ERC2: variants seen among roughly 807,000 people sequenced by gnomAD.
ERC2 encodes the protein ELKS/RAB6-interacting/CAST family member 2.
ERC2 carries 42 observed loss-of-function variants against 114.8 expected under a neutral mutation model. That is an observed-to-expected ratio of 0.37 (90% CI 0.29 to 0.47). The LOEUF is 0.47. Ranked by LOEUF, ERC2 falls within the 20% of genes least tolerant of loss-of-function variation. The probability of loss-of-function intolerance (pLI) is 0.99; values close to 1 mark genes in which losing one functional copy is unlikely to be tolerated. For synonymous variants in ERC2, 454 were observed against 425.5 expected (o/e 1.07, Z -0.82); for missense variants, 939 against 1,150.7 (o/e 0.82, Z 2.66).
At chr3:56,286,018 A>T (rs2054675290) in intron 3 of ERC2, among the ~76,000 whole-genome samples, 1 of 152,182 alleles carries the variant, frequency 6.6e-6, no homozygotes. Flanking sequence ...GTTCCTTCCC[A>T]AAACACACCA....
At chr3:55,928,995 T>C (rs997641964) in intron 13 of ERC2, among the ~76,000 whole-genome samples, 7 of 152,176 alleles carry the variant, frequency 4.6e-5, no homozygotes, top group Admixed American at 4.6e-4. Flanking sequence ...AGAACCATAC[T>C]GTTTTGGTTA....
intron 2 of ERC2, among the ~76,000 whole-genome samples, chr3:56,413,900 G>T (rs1180351866): frequency 6.6e-6 from 1 of 152,148 alleles, no homozygotes; most frequent in Admixed American, 6.5e-5. Context: ...GCACACATGT[G>T]CACCCATAGA....
intron 7 of ERC2, among the ~76,000 whole-genome samples, chr3:56,057,250 GT>G (rs2076056607): frequency 6.6e-6 from 1 of 152,010 alleles, no homozygotes; most frequent in Admixed American, 6.5e-5. Context: ...CATTCATATT[GT>G]TTGCTGTGCA....
At chr3:55,912,097 A>G (rs1044994734) in intron 13 of ERC2, among the ~76,000 whole-genome samples, 1 of 152,164 alleles carries the variant, frequency 6.6e-6, no homozygotes, top group Non-Finnish European at 1.5e-5. Context: ...GGTGGTAGGG[A>G]TTGATCAGAC....
At chr3:56,365,575 A>G (rs2059119010) in intron 2 of ERC2, among the ~76,000 whole-genome samples, 1 of 152,266 alleles carries the variant, frequency 6.6e-6, no homozygotes, top group African/African-American at 2.4e-5. Context: ...CAAAGGGCCA[A>G]ATCCAACCCA....
intron 17 of ERC2, among the ~76,000 whole-genome samples, chr3:55,558,210 C>G (rs2055753996): frequency 6.6e-6 from 1 of 152,202 alleles, no homozygotes; most frequent in Non-Finnish European, 1.5e-5. Context: ...TGCCAATTGA[C>G]TAAATGCCCT....
At chr3:55,922,115 T>A (rs2065464892) in intron 13 of ERC2, among the ~76,000 whole-genome samples, 1 of 152,176 alleles carries the variant, frequency 6.6e-6, no homozygotes, top group Non-Finnish European at 1.5e-5. Context: ...CTAGCAACTG[T>A]CTCAGAATAC....
chr3:55,566,360 G>A (rs1305176855), intron 17 of ERC2, among the ~76,000 whole-genome samples: 1 of 152,194 alleles, frequency 6.6e-6, no homozygotes, highest in Non-Finnish European at 1.5e-5. Context: ...CAGGCCTGGT[G>A]CAAAGTAATT....
In ERC2 at chr3:56,364,851, G is replaced by A. The variant is rs146860729; in HGVS notation, c.658-68416C>T. Reference sequence around the variant, plus strand: ...CTCAGTACTGCCTGCATTCTTCTTCGCTGGGTGAGCCTCTGGCCACATGAA... The same window carrying A: ...CTCAGTACTGCCTGCATTCTTCTTCACTGGGTGAGCCTCTGGCCACATGAA... On this transcript the variant is annotated intron_variant, in intron 2 of 17. Coordinates refer to ENST00000288221, the MANE Select transcript of ERC2 (RefSeq NM_015576.3). Among the ~76,000 whole-genome samples the A allele has an allele frequency of 3.0e-4, 45 of 152,232 alleles. No individual in the cohort carries two copies. The East Asian group carries it at 7.9e-3, about 27-fold the overall frequency.
chr3:56,208,548 T>C (rs1369857897), intron 3 of ERC2, among the ~76,000 whole-genome samples: 1 of 152,178 alleles, frequency 6.6e-6, no homozygotes, highest in East Asian at 1.9e-4. Context: ...AAGGCCAAGA[T>C]ATTATAAATC....
At chr3:56,131,023 A>G (rs534329203) in intron 6 of ERC2, among the ~76,000 whole-genome samples, 13 of 152,296 alleles carry the variant, frequency 8.5e-5, no homozygotes, top group African/African-American at 3.1e-4. Context: ...GTTGTTTGGC[A>G]CTACCATCAT....
rs530571745 is a variant in ERC2, at chr3:55,816,203, A to AGCGTGAC, written c.2564+72185_2564+72186insGTCACGC. ...GTGAATCCCAAATGGGGGAATTTTA[A>AGCGTGAC]GCGTGTATCGGATGGGAGAGGCTTT... On this transcript the variant is annotated intron_variant, in intron 14 of 17. Coordinates refer to ENST00000288221, the MANE Select transcript of ERC2 (RefSeq NM_015576.3). 5.6e-3 allele frequency among the ~76,000 whole-genome samples: 855 copies of AGCGTGAC among 152,332 alleles called. 4 individuals carry two copies. Among genetic ancestry groups the AGCGTGAC allele is most frequent in the African/African-American group, 0.02 (821 of 41,566 alleles).
intron 17 of ERC2, among the ~76,000 whole-genome samples, chr3:55,522,800 G>A (rs1199967601): frequency 1.3e-5 from 2 of 152,204 alleles, no homozygotes; most frequent in Admixed American, 6.5e-5. Context: ...TGGGAGAGCT[G>A]TAACAATGGG....
At chr3:56,205,518 C>T (rs1254592052) in intron 3 of ERC2, among the ~76,000 whole-genome samples, 1 of 152,156 alleles carries the variant, frequency 6.6e-6, no homozygotes, top group Non-Finnish European at 1.5e-5. Context: ...CCTAACAACC[C>T]ACATCATTAG....
chr3:55,726,491 C>T (rs1384130976), intron 15 of ERC2, among the ~76,000 whole-genome samples: 1 of 152,238 alleles, frequency 6.6e-6, no homozygotes, highest in Non-Finnish European at 1.5e-5. Flanking sequence ...CTGGACAGGA[C>T]GGGTCTACCT....
chr3:55,759,341 C>T (rs2067260222), intron 14 of ERC2, among the ~76,000 whole-genome samples: 1 of 151,906 alleles, frequency 6.6e-6, no homozygotes, highest in South Asian at 2.1e-4. Flanking sequence ...CTCCACAGTT[C>T]ACTTAAATCA....
chr3:56,071,704 A>T (rs1316193266), intron 7 of ERC2, among the ~76,000 whole-genome samples: 1 of 152,182 alleles, frequency 6.6e-6, no homozygotes, highest in African/African-American at 2.4e-5. Flanking sequence ...TGATAATAAA[A>T]TACCATTTCA....
intron 14 of ERC2, among the ~76,000 whole-genome samples, chr3:55,766,264 T>C (rs1444048290): frequency 7.4e-6 from 1 of 134,582 alleles, no homozygotes; most frequent in Non-Finnish European, 1.5e-5. Context: ...CTCTTGGTTC[T>C]CTCCACAAGA....
intron 17 of ERC2, among the ~76,000 whole-genome samples, chr3:55,630,967 T>A (rs1483710850): frequency 2.7e-5 from 4 of 147,248 alleles, no homozygotes; most frequent in African/African-American, 1.0e-4. Context: ...AAAAAAAAAA[T>A]AGATGGAAAG....
Sources: gnomAD v4.1 joint callset for allele counts (sites outside exome capture counted in the v4.1 genomes callset) on GRCh38, gnomAD v4.1.1 for gene constraint, MANE v1.5 for transcripts, NCBI Gene and HGNC (gene_info 2026-07-23, HGNC 2026-07-21) for gene names.